Variants in CSF2RB observed in about 807,000 individuals in gnomAD.
The protein encoded by CSF2RB is colony stimulating factor 2 receptor subunit beta, also known as cytokine receptor common subunit beta.
Under a neutral mutation model 67.2 loss-of-function variants are expected in CSF2RB, and 22 were observed. The ratio of observed to expected loss-of-function variants is 0.33; its 90% CI spans 0.23 to 0.47. CSF2RB has a LOEUF of 0.47. Among genes scored for constraint, CSF2RB ranks in the 20% least tolerant of loss-of-function variants. The pLI is 1.00. For missense variants in CSF2RB, 1,113 were observed against 1,174.5 expected, an observed-to-expected ratio of 0.95 and a Z score of 0.76; for synonymous variants, 507 against 482.9, an observed-to-expected ratio of 1.05 and a Z score of -0.65.
intron 11 of CSF2RB, 90 bp downstream of exon 11, chr22:36,935,531 C>A: frequency 1.2e-6 from 2 of 1,604,302 alleles, no homozygotes; most frequent in Non-Finnish European, 1.7e-6. Flanking sequence ...CCCTGCTCTG[C>A]CGCTCCCTTC....
At chr22:36,921,226 G>T (rs1940859310) in intron 1 of CSF2RB, among the ~76,000 whole-genome samples, 1 of 151,656 alleles carries the variant, frequency 6.6e-6, no homozygotes, top group Admixed American at 6.6e-5. Context: ...ATGTGTGTAT[G>T]TGTGTCTGTG....
At chr22:36,929,597 A>T in intron 5 of CSF2RB, 38 bp downstream of exon 5, 2 of 1,614,134 alleles carry the variant, frequency 1.2e-6, no homozygotes, top group Non-Finnish European at 1.7e-6. Context: ...GCCCGAAGGG[A>T]TGGGCAGCAC....
Position 36,938,968 on chromosome 22 carries a change from A to G in CSF2RB, c.*466A>G, listed in dbSNP as rs958767356. On this transcript the variant is annotated 3_prime_UTR_variant, in exon 14 of 14. Transcript: ENST00000403662. ...CTGTCCCCGGCAGTCGCTGATGCAC[A>G]TGACATGATTCTCATCTGGGTGCAG... 7 of 605,286 alleles carry G rather than the reference A, an allele frequency of 1.2e-5. No individual in the cohort carries two copies. Among genetic ancestry groups the G allele is most frequent in the Admixed American group, 5.7e-5 (2 of 34,938 alleles). 37.5% of individuals were successfully genotyped at this position (605,286 alleles called of 1,614,324 possible).
chr22:36,929,195 G>A (rs932439184), intron 4 of CSF2RB, among the ~76,000 whole-genome samples: 4 of 152,196 alleles, frequency 2.6e-5, no homozygotes, highest in African/African-American at 7.2e-5. Context: ...CAATCTGCAC[G>A]GCTTTCCATT....
chr22:36,917,564 A>G (rs1432220057), intron 1 of CSF2RB, among the ~76,000 whole-genome samples: 2 of 151,872 alleles, frequency 1.3e-5, no homozygotes, highest in Non-Finnish European at 2.9e-5. Flanking sequence ...TCCTGTCCCC[A>G]TGCTTACTCT....
In CSF2RB at chr22:36,930,515, G is replaced by C; in HGVS notation, c.854+5G>C. ...CAAGCCCAGCCCAGATGCAGGGTGA[G>C]CATCTTTTTTCTCCATCCCCTCCCC... On this transcript the variant is annotated splice_donor_5th_base_variant and intron_variant, in intron 7 of 13. Coordinates refer to ENST00000403662, the MANE Select transcript of CSF2RB (RefSeq NM_000395.3). 6.2e-7 allele frequency: 1 copy of C among 1,613,272 alleles called. No individual in the cohort carries two copies. Among genetic ancestry groups the C allele is most frequent in the African/African-American group, 1.3e-5 (1 of 74,996 alleles).
Position 36,938,154 on chromosome 22 carries a change from C to A in CSF2RB, c.2346C>A (p.Asn782Lys). 6.2e-6 allele frequency: 10 copies of A among 1,614,088 alleles called. No individual in the cohort carries two copies. Among genetic ancestry groups the A allele is most frequent in the Non-Finnish European group, 8.5e-6 (10 of 1,179,980 alleles). ...GCCGGTCCCCCAGGTCACCAAGGAA[C>A]AATCCTGTCCCCCCTGAGGCCAAAA... is the stretch of plus-strand genomic sequence containing the variant. ...IEGRSPRSPR[N>K]NPVPPEAKSP... The change falls in exon 14 of 14, where the codon AAC becomes AAA. Residue 782 changes from asparagine (N) to lysine (K), a missense_variant. By Grantham distance (94) the Asn-to-Lys change is moderately conservative. Coordinates refer to ENST00000403662, the MANE Select transcript of CSF2RB (RefSeq NM_000395.3).
In CSF2RB at chr22:36,930,259, T is replaced by C. The variant is rs1271723236; in HGVS notation, c.719-116T>C. The C allele has an allele frequency of 2.1e-6, 3 of 1,456,156 alleles. No homozygotes were observed. The African/African-American group carries it at 4.2e-5, about 20-fold the overall frequency. 90.2% of individuals were successfully genotyped at this position (1,456,156 alleles called of 1,614,324 possible). ...CAGGTTCAGGCTGAAGTTTCAGCCC[T>C]GGTCTTTTGGCCCCAGAGCTCATGA... On this transcript the variant is annotated intron_variant, in intron 6 of 13. Coordinates refer to ENST00000403662, the MANE Select transcript of CSF2RB (RefSeq NM_000395.3).
chr22:36,929,343 G>A, intron 4 of CSF2RB, 59 bp from the exon 5 acceptor site: 1 of 1,612,550 alleles, frequency 6.2e-7, no homozygotes, highest in Non-Finnish European at 8.5e-7. Context: ...AGGCCATGCA[G>A]GCCCTGACTG....
chr22:36,936,191 C>T (rs1368687017), intron 12 of CSF2RB, among the ~76,000 whole-genome samples: 1 of 152,116 alleles, frequency 6.6e-6, no homozygotes, highest in Non-Finnish European at 1.5e-5. Flanking sequence ...GGGGAAGACA[C>T]CAGCGTGTGG....
chr22:36,924,705 G>A (rs1029881210), intron 3 of CSF2RB, among the ~76,000 whole-genome samples: 1 of 152,152 alleles, frequency 6.6e-6, no homozygotes, highest in Non-Finnish European at 1.5e-5. Flanking sequence ...TCATGGTTGG[G>A]CCTCCGCCTT....
intron 9 of CSF2RB, 115 bp from the exon 10 acceptor site, chr22:36,933,717 G>C: frequency 2.9e-6 from 4 of 1,394,446 alleles, no homozygotes; most frequent in Non-Finnish European, 3.9e-6. Flanking sequence ...AGCCGCAGCA[G>C]GCCTGGGGTA....
chr22:36,931,767 T>C (rs1941150620), intron 8 of CSF2RB, among the ~76,000 whole-genome samples: 1 of 152,136 alleles, frequency 6.6e-6, no homozygotes, highest in African/African-American at 2.4e-5. Context: ...AGGTGGGAGG[T>C]GCTGTCTGCA....
chr22:36,923,025 A>T (rs1940915806), intron 2 of CSF2RB, among the ~76,000 whole-genome samples: 1 of 152,126 alleles, frequency 6.6e-6, no homozygotes, highest in Admixed American at 6.5e-5. Flanking sequence ...CATGCTGAGA[A>T]CCAACAGAAT....
chr22:36,931,801 C>A (rs1941151043), intron 8 of CSF2RB, among the ~76,000 whole-genome samples: 1 of 152,146 alleles, frequency 6.6e-6, no homozygotes, highest in Non-Finnish European at 1.5e-5. Context: ...TCTCTTTGGC[C>A]ACTATCTGGC....
rs116555199 is a variant in CSF2RB, at chr22:36,931,985, C to A, written c.1013-780C>A. 2.1e-3 allele frequency among the ~76,000 whole-genome samples: 315 copies of A among 152,334 alleles called. 1 individual carries two copies. The highest frequency in any genetic ancestry group is 7.3e-3 in the African/African-American group (302 of 41,564). ...GTGGGATTGCAATCTTTGCCTCTAC[C>A]ACTGCTTAGCTGCCTTTCCTTAGGG... On this transcript the variant is annotated intron_variant, in intron 8 of 13. Coordinates refer to ENST00000403662, the MANE Select transcript of CSF2RB (RefSeq NM_000395.3).
chr22:36,933,498 T>A (rs892907647), intron 9 of CSF2RB, among the ~76,000 whole-genome samples: 18 of 152,124 alleles, frequency 1.2e-4, no homozygotes, highest in Non-Finnish European at 2.1e-4. Context: ...CTGCACTGCG[T>A]TCCTAAAAAG....
intron 3 of CSF2RB, among the ~76,000 whole-genome samples, chr22:36,923,574 C>T (rs1461035656): frequency 6.6e-6 from 1 of 152,178 alleles, no homozygotes; most frequent in Non-Finnish European, 1.5e-5. Context: ...GGGGTTTCTG[C>T]GGAGTGCCTC....
intron 4 of CSF2RB, among the ~76,000 whole-genome samples, chr22:36,928,682 G>A (rs1318782712): frequency 6.6e-6 from 1 of 152,186 alleles, no homozygotes; most frequent in Non-Finnish European, 1.5e-5. Context: ...GATTTCATGA[G>A]AAGCCCCAAA....
Sources: gnomAD v4.1 joint callset for allele counts (sites outside exome capture counted in the v4.1 genomes callset) on GRCh38, gnomAD v4.1.1 for gene constraint, MANE v1.5 for transcripts, NCBI Gene and HGNC (gene_info 2026-07-23, HGNC 2026-07-21) for gene names.